The following RIMS2 variants were observed in gnomAD, a reference collection of about 807,000 sequenced individuals.
RIMS2 encodes the protein regulating synaptic membrane exocytosis protein 2.
Under a neutral mutation model 174.4 loss-of-function variants are expected in RIMS2, and 59 were observed. That is an observed-to-expected ratio of 0.34 (90% CI 0.27 to 0.42). The LOEUF (loss-of-function observed/expected upper bound fraction) is 0.42, where lower values mean the gene tolerates loss of function less well. RIMS2 is among the 10% of genes least tolerant of loss of function. The pLI is 1.00. For missense variants in RIMS2, 1,620 were observed against 1,666.3 expected (o/e 0.97, Z 0.48); for synonymous variants, 606 against 572.5 (o/e 1.06, Z -0.84).
chr8:103,814,067 T>C (rs978581863), intron 3 of RIMS2, among the ~76,000 whole-genome samples: 10 of 152,136 alleles, frequency 6.6e-5, no homozygotes, highest in African/African-American at 2.4e-4. Context: ...CTATGCGCCA[T>C]AAAAAAGAAC....
chr8:103,818,277 A>G (rs1325730370), intron 3 of RIMS2, among the ~76,000 whole-genome samples: 4 of 152,198 alleles, frequency 2.6e-5, no homozygotes, highest in African/African-American at 9.6e-5. Flanking sequence ...TGGATTTATT[A>G]AAGAAATGTC....
intron 4 of RIMS2, among the ~76,000 whole-genome samples, chr8:103,887,728 G>A (rs2099213292): frequency 6.6e-6 from 1 of 151,414 alleles, no homozygotes; most frequent in African/African-American, 2.4e-5. Flanking sequence ...ATTTTATACT[G>A]TACCAAAATA....
chr8:103,579,388 GATAAA>G (rs1248819593), intron 1 of RIMS2, among the ~76,000 whole-genome samples: 3 of 152,082 alleles, frequency 2.0e-5, no homozygotes, highest in Admixed American at 2.0e-4. Context: ...AAAACCTACT[GATAAA>G]ATTAAGTACA....
exon 2 of RIMS2, chr8:103,697,245 A>G: frequency 6.2e-7 from 1 of 1,613,856 alleles, no homozygotes. Flanking sequence ...CATATTGCCA[A>G]ACAAAGTTCT....
intron 3 of RIMS2, among the ~76,000 whole-genome samples, chr8:103,875,621 C>T (rs991355039): frequency 6.6e-6 from 1 of 151,852 alleles, no homozygotes; most frequent in Admixed American, 6.6e-5. Flanking sequence ...TGGATAGATA[C>T]TCTCAGTAGT....
chr8:103,986,736 G>A (rs149910492), intron 16 of RIMS2, among the ~76,000 whole-genome samples: 4 of 152,038 alleles, frequency 2.6e-5, no homozygotes, highest in Non-Finnish European at 4.4e-5. Context: ...AACCAGGCGT[G>A]GTGAAAGGCA....
intron 1 of RIMS2, among the ~76,000 whole-genome samples, chr8:103,546,067 A>T (rs1844918633): frequency 6.6e-6 from 1 of 152,272 alleles, no homozygotes; most frequent in Non-Finnish European, 1.5e-5. Flanking sequence ...AAAATGCCTC[A>T]GTTAAAAGGC....
At chr8:103,538,425 C>G (rs1840873190) in intron 1 of RIMS2, among the ~76,000 whole-genome samples, 1 of 151,932 alleles carries the variant, frequency 6.6e-6, no homozygotes, top group African/African-American at 2.4e-5. Flanking sequence ...CCTGGTGCAC[C>G]CATCACCTAA....
At chr8:103,946,641 C>T (rs2083868328) in intron 14 of RIMS2, among the ~76,000 whole-genome samples, 1 of 152,070 alleles carries the variant, frequency 6.6e-6, no homozygotes, top group African/African-American at 2.4e-5. Context: ...AGATGTATTC[C>T]ACATGCATGA....
chr8:103,833,339 G>A (rs1160678902), intron 3 of RIMS2, among the ~76,000 whole-genome samples: 3 of 152,020 alleles, frequency 2.0e-5, no homozygotes, highest in African/African-American at 7.2e-5. Context: ...ATGCTTACAT[G>A]TGTGTTTTTA....
intron 17 of RIMS2, among the ~76,000 whole-genome samples, chr8:103,993,536 A>G (rs1392156957): frequency 1.3e-5 from 2 of 152,142 alleles, no homozygotes; most frequent in South Asian, 4.1e-4. Context: ...TTTTCCTTTC[A>G]GTTATCAACT....
At position 104,211,587 on chromosome 8, in the gene RIMS2, CAG is replaced by C. The variant is rs1026927326; in HGVS notation, c.3335-33326_3335-33325del. 6.1e-5 allele frequency among the ~76,000 whole-genome samples: 9 copies of C among 147,372 alleles called. No individual in the cohort carries two copies. The Admixed American group carries it at 6.1e-4, about 10-fold the overall frequency. On this transcript the variant is annotated intron_variant, in intron 19 of 23. Coordinates refer to ENST00000504942, the Ensembl canonical transcript of RIMS2. ...GTGGAATTTTTTTTTTTTTTTGAGA[CAG>C]AGTTTCGCTCTGTTGCCCCGACTAG... is the stretch of plus-strand genomic sequence containing the variant.
intron 1 of RIMS2, among the ~76,000 whole-genome samples, chr8:103,648,263 T>C (rs1328663419): frequency 6.6e-6 from 1 of 152,216 alleles, no homozygotes; most frequent in Non-Finnish European, 1.5e-5. Context: ...TCTAATTTGA[T>C]TGTGCTGTAG....
chr8:104,141,031 A>G (rs1389846202), intron 19 of RIMS2, among the ~76,000 whole-genome samples: 2 of 152,182 alleles, frequency 1.3e-5, no homozygotes, highest in Non-Finnish European at 2.9e-5. Context: ...CTATTTTTGA[A>G]ACATGAACAT....
chr8:103,863,019 T>G (rs531988716), intron 3 of RIMS2, among the ~76,000 whole-genome samples: 1 of 152,248 alleles, frequency 6.6e-6, no homozygotes, highest in East Asian at 1.9e-4. Context: ...TAAATGGTGA[T>G]AGTGGACATC....
intron 3 of RIMS2, among the ~76,000 whole-genome samples, chr8:103,869,944 G>A (rs934144536): frequency 5.3e-5 from 8 of 152,224 alleles, no homozygotes; most frequent in African/African-American, 1.9e-4. Flanking sequence ...TTGGTTGCAC[G>A]GCATCTTTGC....
chr8:103,867,357 T>C (rs6468894), intron 3 of RIMS2, among the ~76,000 whole-genome samples: 18,859 of 151,776 alleles, frequency 0.12, 1,272 homozygotes, highest in Middle Eastern at 0.22. Flanking sequence ...AGAATACAAA[T>C]ATTATGTATT....
intron 19 of RIMS2, among the ~76,000 whole-genome samples, chr8:104,070,405 T>C (rs1246735811): frequency 6.6e-6 from 1 of 152,240 alleles, no homozygotes; most frequent in African/African-American, 2.4e-5. Context: ...TAGAACTTTT[T>C]CACTAAAATG....
At chr8:104,093,763 C>T in intron 19 of RIMS2, 120 bp downstream of exon 24, 1 of 703,934 alleles carries the variant, frequency 1.4e-6, no homozygotes. Context: ...GCCAGGGGAG[C>T]TTAACTTCAG....
Sources: allele counts gnomAD v4.1 joint callset (sites outside exome capture counted in the v4.1 genomes callset), GRCh38; gene constraint gnomAD v4.1.1; transcripts MANE v1.5; gene names NCBI Gene and HGNC (gene_info 2026-07-23, HGNC 2026-07-21).